Variants in IFT88 observed in about 807,000 individuals in gnomAD.
IFT88 encodes intraflagellar transport 88, also known as intraflagellar transport protein 88 homolog.
Under a neutral mutation model 119.5 loss-of-function variants are expected in IFT88, and 74 were observed. The observed-to-expected ratio is 0.62, with a 90% CI of 0.51 to 0.75. IFT88 has a LOEUF of 0.75. Ranked by LOEUF, IFT88 falls within the 30% of genes least tolerant of loss-of-function variation. IFT88 has a pLI of 0.00. For missense variants in IFT88, 961 were observed against 977.7 expected (o/e 0.98, Z 0.23); for synonymous variants, 279 against 316.7 (o/e 0.88, Z 1.26).
intron 19 of IFT88, among the ~76,000 whole-genome samples, chr13:20,644,494 T>C (rs1165477743): frequency 6.6e-6 from 1 of 152,056 alleles, no homozygotes; most frequent in Admixed American, 6.5e-5. Context: ...AGAGCGAGAC[T>C]GTCTTAAAAT....
At chr13:20,607,704 G>GC (rs2043753098) in intron 13 of IFT88, 5 of 781,142 alleles carry the variant, frequency 6.4e-6, no homozygotes, top group Middle Eastern at 3.0e-4. Context: ...TCTCACAGTG[G>GC]CCCTGGATGC....
chr13:20,650,810 A>G (rs922038655), intron 20 of IFT88, among the ~76,000 whole-genome samples: 3 of 152,178 alleles, frequency 2.0e-5, no homozygotes, highest in African/African-American at 7.2e-5. Context: ...ATTTCTATGT[A>G]TTTGCAATGA....
chr13:20,684,677 C>T (rs998238683), intron 24 of IFT88, among the ~76,000 whole-genome samples: 1 of 152,216 alleles, frequency 6.6e-6, no homozygotes, highest in African/African-American at 2.4e-5. Context: ...CATAAGTCAG[C>T]TGGTGCTAAC....
chr13:20,649,202 C>G lies in IFT88; in HGVS notation c.1949+4244C>G, dbSNP rs368298250. 7.2e-5 allele frequency among the ~76,000 whole-genome samples: 11 copies of G among 152,268 alleles called. No homozygotes were observed. The East Asian group carries it at 1.7e-3, about 24-fold the overall frequency. ...ATACACAAGACACTGAACCCAACAA[C>G]AGGAGATTGTACATTCTTAAGTGTA... On this transcript the variant is annotated intron_variant, in intron 20 of 25. Coordinates refer to ENST00000351808, the MANE Select transcript of IFT88 (RefSeq NM_006531.5).
At chr13:20,629,518 AC>A (rs1158332700) in intron 15 of IFT88, among the ~76,000 whole-genome samples, 2 of 152,174 alleles carry the variant, frequency 1.3e-5, no homozygotes, top group Non-Finnish European at 2.9e-5. Flanking sequence ...GTCATCAAAA[AC>A]CCTTTAAAAG....
intron 3 of IFT88, 45 bp downstream of exon 3, chr13:20,583,064 A>C (rs1370550651): frequency 8.4e-7 from 1 of 1,191,168 alleles, no homozygotes; most frequent in Admixed American, 1.8e-5. Context: ...AAAATACATA[A>C]CATGAAATTT....
chr13:20,569,477 GC>G (rs538402540), intron 1 of IFT88, among the ~76,000 whole-genome samples: 67 of 151,924 alleles, frequency 4.4e-4, no homozygotes, highest in African/African-American at 1.6e-3. Flanking sequence ...AGAGGCTGAG[GC>G]AGGAGAATGG....
intron 17 of IFT88, among the ~76,000 whole-genome samples, chr13:20,640,562 C>T (rs2049751315): frequency 7.0e-6 from 1 of 143,440 alleles, no homozygotes. Flanking sequence ...GACAGAGCGA[C>T]TCCGTCTCAA....
chr13:20,638,788 A>G (rs996650231), intron 17 of IFT88, among the ~76,000 whole-genome samples: 2 of 152,200 alleles, frequency 1.3e-5, no homozygotes, highest in Non-Finnish European at 2.9e-5. Context: ...TAATTTCCCA[A>G]ATTTCTGCTA....
At chr13:20,585,765 CTT>C (rs1374464749) in intron 3 of IFT88, among the ~76,000 whole-genome samples, 1 of 152,214 alleles carries the variant, frequency 6.6e-6, no homozygotes, top group East Asian at 1.9e-4. Context: ...CCAGACCTCT[CTT>C]TGAGTAAAGT....
chr13:20,618,052 G>T (rs933762881), intron 14 of IFT88, among the ~76,000 whole-genome samples: 1 of 152,064 alleles, frequency 6.6e-6, no homozygotes, highest in African/African-American at 2.4e-5. Flanking sequence ...AAAGTGTTGG[G>T]ATTACAGGCG....
chr13:20,589,715 C>A (rs886370206), intron 3 of IFT88, 96 bp from the exon 4 acceptor site: 1 of 546,650 alleles, frequency 1.8e-6, no homozygotes, highest in African/African-American at 1.9e-5. Context: ...ATAAATATTT[C>A]TTTATTTATG....
chr13:20,689,472 T>C (rs1471551942), intron 24 of IFT88, among the ~76,000 whole-genome samples: 1 of 152,238 alleles, frequency 6.6e-6, no homozygotes. Context: ...ATCTTATCTC[T>C]GTAATGAGAA....
At chr13:20,689,300 T>C (rs7330396) in intron 24 of IFT88, among the ~76,000 whole-genome samples, 24,928 of 152,188 alleles carry the variant, frequency 0.16, 2,391 homozygotes, top group African/African-American at 0.25. Flanking sequence ...GAATTTGGAT[T>C]TGGATTTCAG....
At chr13:20,626,430 G>A (rs576159020) in intron 15 of IFT88, among the ~76,000 whole-genome samples, 69 of 152,048 alleles carry the variant, frequency 4.5e-4, no homozygotes, top group Non-Finnish European at 7.8e-4. Context: ...ATTCTATTCC[G>A]GAGATTAACT....
chr13:20,658,875 G>T (rs1240007317), intron 22 of IFT88, among the ~76,000 whole-genome samples: 2 of 152,164 alleles, frequency 1.3e-5, no homozygotes, highest in Non-Finnish European at 2.9e-5. Context: ...TTCAAGGAAG[G>T]CCAGGTTTTT....
chr13:20,634,955 C>T (rs1364496958), intron 16 of IFT88, among the ~76,000 whole-genome samples: 1 of 120,234 alleles, frequency 8.3e-6, no homozygotes, highest in African/African-American at 3.1e-5. Flanking sequence ...CCCCCTCCCC[C>T]CACCCCACAA....
intron 20 of IFT88, among the ~76,000 whole-genome samples, chr13:20,648,417 A>G (rs1298959975): frequency 6.6e-6 from 1 of 152,182 alleles, no homozygotes; most frequent in Non-Finnish European, 1.5e-5. Context: ...AAATAAATAA[A>G]ATAAGTTTGT....
intron 15 of IFT88, among the ~76,000 whole-genome samples, chr13:20,630,514 G>T (rs547092026): frequency 2.5e-4 from 38 of 152,098 alleles, no homozygotes; most frequent in Non-Finnish European, 3.5e-4. Context: ...CCATTATGCA[G>T]AATAAACACT....
Sources: gnomAD v4.1 joint callset for allele counts (sites outside exome capture counted in the v4.1 genomes callset) on GRCh38, gnomAD v4.1.1 for gene constraint, MANE v1.5 for transcripts, NCBI Gene and HGNC (gene_info 2026-07-23, HGNC 2026-07-21) for gene names.